HTR4: variants seen among roughly 807,000 people sequenced by gnomAD.
HTR4 encodes 5-hydroxytryptamine (serotonin) receptor 4, G protein-coupled.
In HTR4, 16 loss-of-function variants were observed where a neutral mutation model predicts 36.8. That is an observed-to-expected ratio of 0.43 (90% CI 0.29 to 0.66). The LOEUF is 0.66. HTR4 is among the 30% of genes least tolerant of loss of function. The pLI is 0.13. For synonymous variants in HTR4, 189 were observed against 185.1 expected, an observed-to-expected ratio of 1.02 and a Z score of -0.17; for missense variants, 438 against 490.9, an observed-to-expected ratio of 0.89 and a Z score of 1.02.
chr5:148,623,077 G>A (rs946428104), intron 2 of HTR4, among the ~76,000 whole-genome samples: 3 of 152,028 alleles, frequency 2.0e-5, no homozygotes, highest in Admixed American at 2.0e-4. Context: ...GAGTGCAAAT[G>A]CAAGAGAGAA....
rs147978320 is a variant in HTR4, at chr5:148,510,982, C to A, written c.508-958G>T. Reference sequence around the variant, plus strand: ...AACCCAACCAGAGTTAGAACCTAGACAACACTCAATGCTTCAACTTACTCT... The same window carrying A: ...AACCCAACCAGAGTTAGAACCTAGAAAACACTCAATGCTTCAACTTACTCT... On this transcript the variant is annotated intron_variant, in intron 5 of 6. Transcript: ENST00000377888. Among the ~76,000 whole-genome samples, 1,245 of 152,290 alleles carry A rather than the reference C, an allele frequency of 8.2e-3. 31 individuals are homozygous for A. The highest frequency in any genetic ancestry group is 0.045 in the Admixed American group (681 of 15,298).
chr5:148,590,287 C>CTTTTTTTTTTTTTTTTTT (rs779077579), intron 2 of HTR4, among the ~76,000 whole-genome samples: 1 of 33,320 alleles, frequency 3.0e-5, no homozygotes, highest in Non-Finnish European at 5.3e-5. Context: ...TTTTTCTTTT[C>CTTTTTTTTTTTTTTTTTT]TTTTTTTTTT....
Position 148,541,481 on chromosome 5 carries a change from C to T in HTR4, c.353+7187G>A, listed in dbSNP as rs1309738229. ...GCACATAATAAGAAACTTCTATTAA[C>T]CACGATGCTTTGATTCAATACTCCA... On this transcript the variant is annotated intron_variant, in intron 4 of 6. Coordinates refer to ENST00000377888, the MANE Select transcript of HTR4 (RefSeq NM_000870.7). Among the ~76,000 whole-genome samples the T allele has an allele frequency of 2.6e-5, 4 of 152,302 alleles. No individual in the cohort carries two copies. In the East Asian group the frequency reaches 7.7e-4, roughly 29 times the overall value.
intron 2 of HTR4, among the ~76,000 whole-genome samples, chr5:148,602,937 A>G (rs1762049743): frequency 6.6e-6 from 1 of 152,130 alleles, no homozygotes; most frequent in Non-Finnish European, 1.5e-5. Context: ...TGTACTCAAT[A>G]AGAAAAACAA....
At chr5:148,487,949 A>C (rs570148131) in intron 6 of HTR4, among the ~76,000 whole-genome samples, 1 of 152,338 alleles carries the variant, frequency 6.6e-6, no homozygotes, top group African/African-American at 2.4e-5. Flanking sequence ...ATGAGAAAAG[A>C]CTTGGTGATT....
In HTR4 at chr5:148,558,710, C is replaced by T. The variant is rs116403871; in HGVS notation, c.27-8448G>A. 7.9e-3 allele frequency among the ~76,000 whole-genome samples: 1,202 copies of T among 152,206 alleles called. 14 individuals are homozygous for T. Among genetic ancestry groups the T allele is most frequent in the South Asian group, 0.043 (207 of 4,816 alleles). On this transcript the variant is annotated intron_variant, in intron 2 of 6. Coordinates refer to ENST00000377888, the MANE Select transcript of HTR4 (RefSeq NM_000870.7). Reference sequence around the variant, plus strand: ...TAGGTAGCACATTAGGTAATCCCTTCCCCCCACTCTATTTCTTAAAAACCC... The same window carrying T: ...TAGGTAGCACATTAGGTAATCCCTTTCCCCCACTCTATTTCTTAAAAACCC...
chr5:148,507,239 C>T (rs1189682022), intron 6 of HTR4, among the ~76,000 whole-genome samples: 1 of 151,646 alleles, frequency 6.6e-6, no homozygotes, highest in East Asian at 2.0e-4. Context: ...ATGGATGAAG[C>T]TGGAAACCAT....
chr5:148,590,707 T>G (rs1356982790), intron 2 of HTR4, among the ~76,000 whole-genome samples: 1 of 152,174 alleles, frequency 6.6e-6, no homozygotes, highest in Non-Finnish European at 1.5e-5. Context: ...GTTTCAACAT[T>G]GATGTTGAAA....
intron 4 of HTR4, among the ~76,000 whole-genome samples, chr5:148,531,899 A>G (rs1758584337): frequency 6.6e-6 from 1 of 152,098 alleles, no homozygotes; most frequent in South Asian, 2.1e-4. Context: ...ACATTTGACA[A>G]TGTCTGGAGA....
At position 148,498,092 on chromosome 5, in the gene HTR4, T is replaced by A. The variant is rs142941491; in HGVS notation, c.1076+11364A>T. On this transcript the variant is annotated intron_variant, in intron 6 of 6. Coordinates refer to ENST00000377888, the MANE Select transcript of HTR4 (RefSeq NM_000870.7). ...TTTAGCAATCAAAACCCTCTAAGAATGTCTTTCAAAAGCATATTTTATTTC... is the reference window on the plus strand; with the variant it reads ...TTTAGCAATCAAAACCCTCTAAGAAAGTCTTTCAAAAGCATATTTTATTTC... 8.4e-4 allele frequency among the ~76,000 whole-genome samples: 128 copies of A among 152,326 alleles called. 4 individuals are homozygous for A. The East Asian group carries it at 0.02, about 24-fold the overall frequency.
chr5:148,581,107 T>C (rs1167284142), intron 2 of HTR4, among the ~76,000 whole-genome samples: 1 of 152,034 alleles, frequency 6.6e-6, no homozygotes. Context: ...TGATTAGTGA[T>C]AGTAAGCATC....
intron 2 of HTR4, among the ~76,000 whole-genome samples, chr5:148,607,615 G>C (rs76127906): frequency 0.13 from 19,120 of 152,126 alleles, 1,439 homozygotes; most frequent in East Asian, 0.33. Flanking sequence ...TCCAGAGATG[G>C]AGCATGTGAC....
intron 1 of HTR4, among the ~76,000 whole-genome samples, chr5:148,644,421 A>ATTTTTTTTTTT (rs1753815914): frequency 1.2e-5 from 1 of 85,850 alleles, no homozygotes; most frequent in African/African-American, 4.5e-5. Context: ...CAAGCTCACA[A>ATTTTTTTTTTT]GTTTTTTTTT....
intron 4 of HTR4, among the ~76,000 whole-genome samples, chr5:148,544,518 T>C (rs1215815498): frequency 6.6e-6 from 1 of 152,208 alleles, no homozygotes; most frequent in Admixed American, 6.5e-5. Context: ...GGCTGCCTTA[T>C]ATTTCACTTT....
chr5:148,625,564 T>A (rs984347528), intron 2 of HTR4, among the ~76,000 whole-genome samples: 10 of 152,056 alleles, frequency 6.6e-5, no homozygotes, highest in African/African-American at 1.4e-4. Flanking sequence ...AAAGTTCTTT[T>A]TGTTTGTTTG....
At chr5:148,517,822 G>A (rs1444219080) in intron 5 of HTR4, among the ~76,000 whole-genome samples, 2 of 151,992 alleles carry the variant, frequency 1.3e-5, no homozygotes, top group East Asian at 3.9e-4. Context: ...TATAATTCAG[G>A]TCATGTTACT....
intron 2 of HTR4, among the ~76,000 whole-genome samples, chr5:148,636,527 A>C (rs1445392015): frequency 6.6e-6 from 1 of 152,190 alleles, no homozygotes; most frequent in East Asian, 1.9e-4. Flanking sequence ...CGAAACAAAA[A>C]CCATTTAGCT....
chr5:148,495,396 T>A (rs1756640104), intron 6 of HTR4, among the ~76,000 whole-genome samples: 1 of 152,188 alleles, frequency 6.6e-6, no homozygotes, highest in African/African-American at 2.4e-5. Flanking sequence ...CGCTAGTCCC[T>A]TTTCTGCCCT....
intron 6 of HTR4, 27 bp from the exon 7 acceptor site, chr5:148,483,320 C>A: frequency 2.5e-6 from 4 of 1,591,790 alleles, no homozygotes; most frequent in Non-Finnish European, 3.4e-6. Context: ...ATTACAGAAC[C>A]TCAGAATTGG....
Sources: allele counts gnomAD v4.1 joint callset (sites outside exome capture counted in the v4.1 genomes callset), GRCh38; gene constraint gnomAD v4.1.1; transcripts MANE v1.5; gene names NCBI Gene and HGNC (gene_info 2026-07-23, HGNC 2026-07-21).